Variants in RALYL observed in about 807,000 individuals in gnomAD.
RALYL encodes the protein RNA-binding Raly-like protein.
RALYL carries 29 observed loss-of-function variants against 35.1 expected under a neutral mutation model. The ratio of observed to expected loss-of-function variants is 0.83; its 90% CI spans 0.61 to 1.13. RALYL has a LOEUF of 1.13. Among genes scored for constraint, RALYL ranks in the 50% most tolerant of loss-of-function variants. The probability of loss-of-function intolerance (pLI) is 0.00; values close to 1 mark genes in which losing one functional copy is unlikely to be tolerated. For missense variants in RALYL, 359 were observed against 360.4 expected (o/e 1.00, Z 0.03); for synonymous variants, 120 against 127.6 (o/e 0.94, Z 0.40).
At chr8:84,452,397 A>C (rs1282665021) in intron 1 of RALYL, among the ~76,000 whole-genome samples, 1 of 151,962 alleles carries the variant, frequency 6.6e-6, no homozygotes, top group Non-Finnish European at 1.5e-5. Context: ...TAAAGTGTAT[A>C]AAAGTATCAG....
At chr8:84,402,896 T>A (rs147444237) in intron 1 of RALYL, among the ~76,000 whole-genome samples, 4,295 of 152,280 alleles carry the variant, frequency 0.028, 197 homozygotes, top group African/African-American at 0.097. Context: ...TTGATTTGCA[T>A]TTCTCTGATG....
intron 1 of RALYL, among the ~76,000 whole-genome samples, chr8:84,324,797 C>G (rs1206460962): frequency 6.6e-6 from 1 of 152,082 alleles, no homozygotes; most frequent in East Asian, 1.9e-4. Flanking sequence ...GTTTCAGCTA[C>G]TGTACCTCCT....
intron 1 of RALYL, among the ~76,000 whole-genome samples, chr8:84,259,675 TTG>T (rs1253674523): frequency 1.3e-5 from 2 of 152,202 alleles, no homozygotes; most frequent in Non-Finnish European, 2.9e-5. Context: ...GTATACAGCC[TTG>T]TGTTTTTGTG....
intron 2 of RALYL, among the ~76,000 whole-genome samples, chr8:84,753,587 G>T (rs1687110177): frequency 6.6e-6 from 1 of 152,150 alleles, no homozygotes; most frequent in African/African-American, 2.4e-5. Context: ...GGGGATGGCA[G>T]ATTTCCCCCT....
At chr8:84,487,409 T>A (rs2054768515) in intron 1 of RALYL, among the ~76,000 whole-genome samples, 1 of 152,104 alleles carries the variant, frequency 6.6e-6, no homozygotes, top group Non-Finnish European at 1.5e-5. Context: ...ATTTGCAGAA[T>A]TCAAGTTCTG....
intron 1 of RALYL, among the ~76,000 whole-genome samples, chr8:84,323,423 A>G (rs1226108063): frequency 2.0e-5 from 3 of 152,048 alleles, no homozygotes; most frequent in Admixed American, 6.6e-5. Context: ...AATTTAAAAG[A>G]GCTTGTTAGA....
rs540810032 is a variant in RALYL at position 84,835,048 on chromosome 8, T to C, written c.366-14932T>C. Among the ~76,000 whole-genome samples the C allele has an allele frequency of 2.6e-5, 4 of 152,298 alleles. No homozygotes were observed. In the East Asian group the frequency reaches 7.7e-4, roughly 29 times the overall value. On this transcript the variant is annotated intron_variant, in intron 4 of 8. Coordinates refer to ENST00000521268, the MANE Select transcript of RALYL (RefSeq NM_173848.7). Reference sequence around the variant, plus strand: ...GTTAAAACAAAGAGATGGATCATAGTCTACAGGATTTTGACATGAGCCATC... The same window carrying C: ...GTTAAAACAAAGAGATGGATCATAGCCTACAGGATTTTGACATGAGCCATC...
At chr8:84,254,635 A>G (rs1563617218) in intron 1 of RALYL, among the ~76,000 whole-genome samples, 2 of 151,824 alleles carry the variant, frequency 1.3e-5, no homozygotes, top group Non-Finnish European at 2.9e-5. Context: ...TGGGAATGCC[A>G]AAGTTTGTGT....
intron 4 of RALYL, among the ~76,000 whole-genome samples, chr8:84,840,263 G>C (rs1468905532): frequency 6.6e-6 from 1 of 151,946 alleles, no homozygotes; most frequent in East Asian, 1.9e-4. Context: ...CCAATGCAGA[G>C]AAGTCCTTAA....
At chr8:84,766,539 A>AAATG (rs1341789848) in intron 2 of RALYL, among the ~76,000 whole-genome samples, 1 of 135,570 alleles carries the variant, frequency 7.4e-6, no homozygotes, top group East Asian at 2.0e-4. Context: ...TAAAATAAAT[A>AAATG]AATAAATAAA....
intron 2 of RALYL, among the ~76,000 whole-genome samples, chr8:84,617,630 T>C (rs1820109521): frequency 6.7e-6 from 1 of 149,114 alleles, no homozygotes; most frequent in Non-Finnish European, 1.5e-5. Context: ...CAACACTATG[T>C]TGAATAGGAG....
intron 1 of RALYL, among the ~76,000 whole-genome samples, chr8:84,486,928 C>G (rs2054694469): frequency 6.6e-6 from 1 of 151,966 alleles, no homozygotes; most frequent in Non-Finnish European, 1.5e-5. Context: ...AGAATCGATT[C>G]ATCTTGTATC....
At chr8:84,866,641 G>T (rs1219537351) in intron 6 of RALYL, among the ~76,000 whole-genome samples, 1 of 152,024 alleles carries the variant, frequency 6.6e-6, no homozygotes, top group African/African-American at 2.4e-5. Context: ...GAGTTCTGAG[G>T]ATTGAATGAG....
At chr8:84,717,898 A>G (rs1172573174) in intron 2 of RALYL, among the ~76,000 whole-genome samples, 1 of 152,126 alleles carries the variant, frequency 6.6e-6, no homozygotes, top group Non-Finnish European at 1.5e-5. Flanking sequence ...GTACAGTTTC[A>G]TGTAGCTTCA....
chr8:84,283,195 G>C (rs1281022674), intron 1 of RALYL, among the ~76,000 whole-genome samples: 1 of 151,876 alleles, frequency 6.6e-6, no homozygotes, highest in Non-Finnish European at 1.5e-5. Context: ...ATAATGTTGA[G>C]TTATGTATAA....
intron 1 of RALYL, among the ~76,000 whole-genome samples, chr8:84,441,635 C>A (rs374639576): frequency 6.6e-6 from 1 of 152,016 alleles, no homozygotes; most frequent in South Asian, 2.1e-4. Flanking sequence ...AGTGAACTGT[C>A]GGAGCTAGAA....
At chr8:84,281,205 A>G (rs911270285) in intron 1 of RALYL, among the ~76,000 whole-genome samples, 1 of 152,188 alleles carries the variant, frequency 6.6e-6, no homozygotes, top group Admixed American at 6.5e-5. Context: ...GCAATTTCCT[A>G]AAATCACTTG....
At position 84,617,386 on chromosome 8, in the gene RALYL, C is replaced by G. The variant is rs1052491536; in HGVS notation, c.256+87809C>G. ...ATGGGAGTTCACTCATGATTTGGCT[C>G]TCTGTTTGTCTGTTGTTGGTGTATA... On this transcript the variant is annotated intron_variant, in intron 2 of 8. Transcript: ENST00000521268. 9.4e-5 allele frequency among the ~76,000 whole-genome samples: 14 copies of G among 149,302 alleles called. No individual in the cohort carries two copies. In the East Asian group the frequency reaches 1.9e-3, roughly 21 times the overall value.
At chr8:84,507,600 G>A (rs1405796019) in intron 1 of RALYL, among the ~76,000 whole-genome samples, 7 of 152,076 alleles carry the variant, frequency 4.6e-5, no homozygotes, top group Admixed American at 4.6e-4. Flanking sequence ...TAGAGTTTTT[G>A]TTTGCTCCTT....
Sources: allele counts gnomAD v4.1 joint callset (sites outside exome capture counted in the v4.1 genomes callset), GRCh38; gene constraint gnomAD v4.1.1; transcripts MANE v1.5; gene names NCBI Gene and HGNC (gene_info 2026-07-23, HGNC 2026-07-21).